PRKN: variants seen among roughly 807,000 people sequenced by gnomAD.
PRKN encodes the protein E3 ubiquitin-protein ligase parkin.
A neutral mutation model predicts 59.5 loss-of-function variants in PRKN; 56 were observed. That is an observed-to-expected ratio of 0.94 (90% CI 0.76 to 1.18). The LOEUF (loss-of-function observed/expected upper bound fraction) is 1.18. Among genes scored for constraint, PRKN ranks in the 50% most tolerant of loss-of-function variants. The pLI, the probability that PRKN is intolerant of heterozygous loss-of-function variation, is 0.00. For missense variants in PRKN, 657 were observed against 596.4 expected, an observed-to-expected ratio of 1.10 and a Z score of -1.06; for synonymous variants, 250 against 222.1, an observed-to-expected ratio of 1.13 and a Z score of -1.12.
chr6:162,675,043 T>C (rs958339886), intron 1 of PRKN, among the ~76,000 whole-genome samples: 16 of 151,472 alleles, frequency 1.1e-4, no homozygotes, highest in Admixed American at 3.3e-4. Context: ...TTTATTTATT[T>C]ATTTATTTAT....
At chr6:162,126,393 G>C (rs1023103511) in intron 4 of PRKN, among the ~76,000 whole-genome samples, 1 of 152,124 alleles carries the variant, frequency 6.6e-6, no homozygotes, top group Non-Finnish European at 1.5e-5. Flanking sequence ...TCCTTTAACC[G>C]TGGCTGCCTA....
chr6:161,586,595 T>C (rs1243003248), intron 7 of PRKN, among the ~76,000 whole-genome samples: 2 of 152,218 alleles, frequency 1.3e-5, no homozygotes, highest in East Asian at 3.8e-4. Context: ...CCTACTGCTA[T>C]TTCCACTGAA....
At chr6:161,691,300 T>G (rs1785783475) in intron 7 of PRKN, among the ~76,000 whole-genome samples, 1 of 152,194 alleles carries the variant, frequency 6.6e-6, no homozygotes, top group Admixed American at 6.5e-5. Context: ...GGGTCTAATC[T>G]TTTCTTCCGA....
intron 6 of PRKN, among the ~76,000 whole-genome samples, chr6:161,826,263 A>G (rs967553344): frequency 1.3e-5 from 2 of 152,252 alleles, no homozygotes; most frequent in Non-Finnish European, 2.9e-5. Flanking sequence ...AAAAGTAGAA[A>G]AATCATATTT....
At position 161,546,679 on chromosome 6, in the gene PRKN, A is replaced by T. The variant is rs1345514965; in HGVS notation, c.1083+2175T>A. Among the ~76,000 whole-genome samples, 2 of 151,880 alleles carry T rather than the reference A, an allele frequency of 1.3e-5. No individual in the cohort carries two copies. Among genetic ancestry groups the T allele is most frequent in the Non-Finnish European group, 2.9e-5 (2 of 67,998 alleles). Reference sequence around the variant, plus strand: ...TTTGACACTCTTTAAGATGGAGCCCAACTCCCTTCCCTTTGAGAGTGAGCT... The same window carrying T: ...TTTGACACTCTTTAAGATGGAGCCCTACTCCCTTCCCTTTGAGAGTGAGCT... On this transcript the variant is annotated intron_variant, in intron 9 of 11. Coordinates refer to ENST00000366898, the MANE Select transcript of PRKN (RefSeq NM_004562.3). The surrounding 1 kb of genome is among the most constrained non-coding windows in gnomAD (Gnocchi z 4.4).
rs1780300720 is a variant in PRKN, at chr6:162,108,874, G to C, written c.535-54700C>G. Among the ~76,000 whole-genome samples, 4 of 152,220 alleles carry C rather than the reference G, an allele frequency of 2.6e-5. No homozygotes were observed. In the South Asian group the frequency reaches 8.3e-4, roughly 32 times the overall value. On this transcript the variant is annotated intron_variant, in intron 4 of 11. Coordinates refer to ENST00000366898, the MANE Select transcript of PRKN (RefSeq NM_004562.3). Reference sequence around the variant, plus strand: ...AGGTGAGACCCACAACTGGGGCTTAGCTGAGGAGGGTTCTTGACTTTGCCC... The same window carrying C: ...AGGTGAGACCCACAACTGGGGCTTACCTGAGGAGGGTTCTTGACTTTGCCC...
Position 162,552,932 on chromosome 6 carries a change from G to T in PRKN, c.8-109459C>A, listed in dbSNP as rs187713016. On this transcript the variant is annotated intron_variant, in intron 1 of 11. Transcript: ENST00000366898. ...CACGAAAGCAGAGTTTCAACCAGAG[G>T]GGGTGGTCCACAGTGCCCAGTGCTG... Among the ~76,000 whole-genome samples the T allele has an allele frequency of 8.9e-4, 135 of 152,228 alleles. No homozygotes were observed. The East Asian group carries it at 9.5e-3, about 11-fold the overall frequency.
rs1054319470 is a variant in PRKN at position 162,141,131 on chromosome 6, A to AAAAT, written c.534+59996_534+59999dup. 5.3e-5 allele frequency among the ~76,000 whole-genome samples: 8 copies of AAAAT among 150,794 alleles called. No homozygotes were observed. The East Asian group carries it at 5.8e-4, about 11-fold the overall frequency. ...GGCGACAGAGTGAGACCCTGTCACC[A>AAAAT]AAATAAATAAATAAATAAATAAAAA... On this transcript the variant is annotated intron_variant, in intron 4 of 11. Transcript: ENST00000366898.
At chr6:162,036,322 T>TGAAAA (rs1554263324) in intron 5 of PRKN, among the ~76,000 whole-genome samples, 1 of 151,792 alleles carries the variant, frequency 6.6e-6, no homozygotes, top group Non-Finnish European at 1.5e-5. Context: ...AGACCCCGTC[T>TGAAAA]CAAAACAAAA....
chr6:162,439,034 G>C (rs1262212729), intron 2 of PRKN, among the ~76,000 whole-genome samples: 7 of 151,990 alleles, frequency 4.6e-5, no homozygotes, highest in African/African-American at 1.7e-4. Context: ...CCAACTTCCA[G>C]TTCACTGACT....
chr6:161,734,810 T>C (rs535783917), intron 7 of PRKN, among the ~76,000 whole-genome samples: 41 of 152,186 alleles, frequency 2.7e-4, no homozygotes, highest in Non-Finnish European at 5.6e-4. Context: ...TGAATATTTT[T>C]CATAGTTTTA....
intron 8 of PRKN, among the ~76,000 whole-genome samples, chr6:161,556,554 C>A (rs556002545): frequency 6.6e-6 from 1 of 152,064 alleles, no homozygotes; most frequent in African/African-American, 2.4e-5. Context: ...AAGTTGAAAG[C>A]GCATTAATGG....
At chr6:162,279,304 C>T (rs1047890417) in intron 2 of PRKN, among the ~76,000 whole-genome samples, 1 of 151,030 alleles carries the variant, frequency 6.6e-6, no homozygotes, top group African/African-American at 2.4e-5. Context: ...CACCATTGCA[C>T]TCCATCCAGC....
chr6:162,396,023 C>T (rs975517682), intron 2 of PRKN, among the ~76,000 whole-genome samples: 1 of 152,182 alleles, frequency 6.6e-6, no homozygotes, highest in African/African-American at 2.4e-5. Flanking sequence ...ATATGTCATT[C>T]ATATGTGAAT....
At position 162,723,886 on chromosome 6, in the gene PRKN, T is replaced by G. The variant is rs372171155; in HGVS notation, c.7+3776A>C. Among the ~76,000 whole-genome samples the G allele has an allele frequency of 5.9e-5, 9 of 152,286 alleles. No homozygotes were observed. The East Asian group carries it at 1.7e-3, about 29-fold the overall frequency. ...TGGAGTGGATCTGGACATGCAGATA[T>G]GTAAATTCTCAAAGAGATGCTAAGT... On this transcript the variant is annotated intron_variant, in intron 1 of 11. Coordinates refer to ENST00000366898, the MANE Select transcript of PRKN (RefSeq NM_004562.3).
At position 161,503,695 on chromosome 6, in the gene PRKN, C is replaced by A. The variant is rs1386133419; in HGVS notation, c.1083+45159G>T. ...TCTATGCTTCTATGAAGGTCACAAC[C>A]AGAAGCAGTCCGGCCTGCAGTTGCT... On this transcript the variant is annotated intron_variant, in intron 9 of 11. Coordinates refer to ENST00000366898, the MANE Select transcript of PRKN (RefSeq NM_004562.3). This position sits in a 1 kb window ranked among gnomAD's most constrained non-coding sequence, Gnocchi z 5.1. Among the ~76,000 whole-genome samples, 2 of 152,176 alleles carry A rather than the reference C, an allele frequency of 1.3e-5. No homozygotes were observed. Among genetic ancestry groups the A allele is most frequent in the South Asian group, 2.1e-4 (1 of 4,822 alleles).
intron 7 of PRKN, among the ~76,000 whole-genome samples, chr6:161,651,270 T>A (rs1257221862): frequency 2.6e-5 from 4 of 152,346 alleles, no homozygotes; most frequent in African/African-American, 9.6e-5. Flanking sequence ...CCCTTTGGTG[T>A]CTCTTTCTCT....
In PRKN at chr6:161,445,180, T is replaced by C. The variant is rs527596128; in HGVS notation, c.1084-58303A>G. 1.3e-5 allele frequency among the ~76,000 whole-genome samples: 2 copies of C among 151,916 alleles called. No individual in the cohort carries two copies. The highest frequency in any genetic ancestry group is 4.8e-5 in the African/African-American group (2 of 41,440). ...GCTGACACAGCTCCCCCTGCACGAG[T>C]GTACAGCAGTCAGACAGGAACGGGG... On this transcript the variant is annotated intron_variant, in intron 9 of 11. Transcript: ENST00000366898. The surrounding 1 kb of genome is among the most constrained non-coding windows in gnomAD (Gnocchi z 7.7).
At chr6:162,441,597 T>C (rs1790055185) in intron 2 of PRKN, among the ~76,000 whole-genome samples, 1 of 152,182 alleles carries the variant, frequency 6.6e-6, no homozygotes, top group South Asian at 2.1e-4. Flanking sequence ...CCTGTAAAAA[T>C]GGCAATCCCA....
Sources: gnomAD v4.1 joint callset for allele counts (sites outside exome capture counted in the v4.1 genomes callset) on GRCh38, gnomAD v4.1.1 for gene constraint, Gnocchi (gnomAD v3.1) non-coding constraint, MANE v1.5 for transcripts, NCBI Gene and HGNC (gene_info 2026-07-23, HGNC 2026-07-21) for gene names.